Variants in SUMF2 observed in about 807,000 individuals in gnomAD.
SUMF2 encodes inactive C-alpha-formylglycine-generating enzyme 2.
Under a neutral mutation model 44.8 loss-of-function variants are expected in SUMF2, and 45 were observed. The observed-to-expected ratio is 1.00, with a 90% CI of 0.79 to 1.29. The LOEUF (loss-of-function observed/expected upper bound fraction) is 1.29, where lower values mean the gene tolerates loss of function less well. Among genes scored for constraint, SUMF2 ranks in the 50% most tolerant of loss-of-function variants. The pLI, the probability that SUMF2 is intolerant of heterozygous loss-of-function variation, is 0.00. For synonymous variants in SUMF2, 148 were observed against 150.4 expected (o/e 0.98, Z 0.12); for missense variants, 418 against 389.9 (o/e 1.07, Z -0.61).
At chr7:56,068,667 G>C (rs766561745) in intron 2 of SUMF2, 29 bp downstream of exon 2, 4 of 1,596,798 alleles carry the variant, frequency 2.5e-6, no homozygotes. Context: ...CAGGAGGAAT[G>C]AAGACCCTCT....
the SUMF2 span, chr7:56,087,747 A>C: frequency 6.2e-7 from 1 of 1,613,010 alleles, no homozygotes; most frequent in Non-Finnish European, 8.5e-7. Flanking sequence ...GGGCTTGTGG[A>C]TGCATCGCCT....
downstream of SUMF2, chr7:56,081,981 T>G: frequency 1.2e-6 from 2 of 1,613,922 alleles, no homozygotes; most frequent in Non-Finnish European, 1.7e-6. This position sits in a 1 kb window ranked among gnomAD's most constrained non-coding sequence, Gnocchi z 4.6. Flanking sequence ...CATCAGCATC[T>G]GCTTCCGGTG....
intron 5 of SUMF2, among the ~76,000 whole-genome samples, chr7:56,075,317 A>G (rs910984210): frequency 1.3e-5 from 2 of 152,184 alleles, no homozygotes; most frequent in African/African-American, 4.8e-5. Context: ...ATTTCAATAA[A>G]TATAACTAGA....
At position 56,074,755 on chromosome 7, in the gene SUMF2, G is replaced by A. The variant is rs749743887; in HGVS notation, c.535+19G>A. 1.2e-6 allele frequency: 2 copies of A among 1,613,884 alleles called. No individual in the cohort carries two copies. The highest frequency in any genetic ancestry group is 1.7e-6 in the Non-Finnish European group (2 of 1,179,846). On this transcript the variant is annotated intron_variant, in intron 5 of 8. Transcript: ENST00000434526. ...TTGAAGGGTATCCAGATGATAAGGC[G>A]ATTTTCCTTTATTCTTCTCCCCATC... is the stretch of plus-strand genomic sequence containing the variant.
chr7:56,076,543 GATTTCTGT>G (rs1795561538), intron 5 of SUMF2: 1 of 314,354 alleles, frequency 3.2e-6, no homozygotes, highest in Non-Finnish European at 5.8e-6. Context: ...CAAGTTTCTC[GATTTCTGT>G]ACTTTTCTCA....
downstream of SUMF2, chr7:56,083,247 CT>C: frequency 6.2e-7 from 1 of 1,610,606 alleles, no homozygotes. Context: ...CACCCGAGGC[CT>C]GGACGTGGGC....
chr7:56,068,453 T>G, intron 1 of SUMF2, 29 bp from the exon 2 acceptor site: 1 of 1,591,370 alleles, frequency 6.3e-7, no homozygotes, highest in Non-Finnish European at 8.5e-7. Context: ...TATGCATGTA[T>G]TACTGGTAAC....
Position 56,078,405 on chromosome 7 carries a change from T to C in SUMF2, c.718T>C (p.Ser240Pro). The change falls in exon 8 of 9, where the codon TCA (serine) becomes CCA (proline). Residue 240 changes from serine (S) to proline (P), a missense_variant. Physicochemically the swap from Ser to Pro is moderately conservative, Grantham distance 74. Coordinates refer to ENST00000434526, the MANE Select transcript of SUMF2 (RefSeq NM_015411.4). The part of the protein sequence containing the change: ...LLGNVWEWTA[S>P]PYQAAEQDMR... ...GGGGAACGTGTGGGAGTGGACAGCA[T>C]CACCGTACCAGGCTGCTGAGCAGGA... The C allele has an allele frequency of 6.2e-7, 1 of 1,611,820 alleles. No homozygotes were observed. Among genetic ancestry groups the C allele is most frequent in the South Asian group, 1.1e-5 (1 of 90,814 alleles).
At chr7:56,065,821 G>A (rs773799504) in intron 1 of SUMF2, among the ~76,000 whole-genome samples, 7 of 151,990 alleles carry the variant, frequency 4.6e-5, no homozygotes, top group Non-Finnish European at 1.0e-4. Context: ...GGTGGCTCAC[G>A]CTTGAAATCC....
the SUMF2 span, chr7:56,087,882 T>G: frequency 3.5e-6 from 3 of 863,694 alleles, no homozygotes; most frequent in Non-Finnish European, 5.4e-6. Flanking sequence ...AGATTTACAC[T>G]TTCCCCCAAC....
downstream of SUMF2, chr7:56,081,651 G>A (rs1325975471): frequency 1.2e-6 from 2 of 1,613,780 alleles, no homozygotes; most frequent in Non-Finnish European, 1.7e-6. This position sits in a 1 kb window ranked among gnomAD's most constrained non-coding sequence, Gnocchi z 4.6. Context: ...CCCGGGGGCT[G>A]AAGTGCCGCA....
chr7:56,073,070 GTC>G lies in SUMF2; in HGVS notation c.302_303del (p.Ser101Ter), dbSNP rs1182783972. ...ATGGAGCTTTGTCTTTGAGGACTTT[GTC>G]TCTGATGAGCTGAGAAACAAAGCCA... ...FGWSFVFEDF[V>X]SDELRNKATQ... On this transcript the variant is annotated frameshift_variant, in exon 3 of 9. Coordinates refer to ENST00000434526, the MANE Select transcript of SUMF2 (RefSeq NM_015411.4). LOFTEE classifies it high-confidence loss of function. The G allele has an allele frequency of 6.2e-7, 1 of 1,614,112 alleles. No homozygotes were observed. The highest frequency in any genetic ancestry group is 1.7e-5 in the Admixed American group (1 of 60,012).
chr7:56,065,141 G>C (rs138510097), intron 1 of SUMF2, among the ~76,000 whole-genome samples: 1 of 147,932 alleles, frequency 6.8e-6, no homozygotes, highest in African/African-American at 2.5e-5. Context: ...TGCAGTGAGC[G>C]GAGATAGCGC....
chr7:56,067,899 A>G (rs1309856698), intron 1 of SUMF2, among the ~76,000 whole-genome samples: 1 of 151,594 alleles, frequency 6.6e-6, no homozygotes, highest in African/African-American at 2.4e-5. Flanking sequence ...GTCACGAAAA[A>G]AAAAAAAAAA....
chr7:56,072,464 C>T (rs1795238917), intron 2 of SUMF2, among the ~76,000 whole-genome samples: 2 of 149,928 alleles, frequency 1.3e-5, no homozygotes, highest in African/African-American at 4.9e-5. Flanking sequence ...GTGGCTCACG[C>T]CTGTAATCTC....
chr7:56,084,330 C>T, downstream of SUMF2: 1 of 736,626 alleles, frequency 1.4e-6, no homozygotes, highest in South Asian at 1.6e-5. Flanking sequence ...ACCACTGGCC[C>T]AGGACCCCAG....
At chr7:56,087,879 C>T in the SUMF2 span, 2 of 873,712 alleles carry the variant, frequency 2.3e-6, no homozygotes, top group African/African-American at 1.7e-5. Context: ...CAGAGATTTA[C>T]ACTTTCCCCC....
At chr7:56,073,964 C>G (rs538811333) in intron 3 of SUMF2, 6 of 583,528 alleles carry the variant, frequency 1.0e-5, no homozygotes, top group Non-Finnish European at 1.8e-5. Context: ...GCAGTGAGCT[C>G]TGATGGTGCC....
At chr7:56,087,055 T>TAGCAGGGGAGCCCAGGCAGGGGC in the SUMF2 span, 5 of 1,592,632 alleles carry the variant, frequency 3.1e-6, no homozygotes, top group Non-Finnish European at 4.3e-6. Context: ...TTGTCTCAAG[T>TAGCAGGGGAGCCCAGGCAGGGGC]AGCAGGGGAG....
Sources: allele counts gnomAD v4.1 joint callset (sites outside exome capture counted in the v4.1 genomes callset), GRCh38; gene constraint gnomAD v4.1.1; non-coding constraint Gnocchi (gnomAD v3.1); transcripts MANE v1.5; gene names NCBI Gene and HGNC (gene_info 2026-07-23, HGNC 2026-07-21).